Variants in SLC10A7 observed in about 807,000 individuals in gnomAD.
The protein encoded by SLC10A7 is sodium/bile acid cotransporter 7.
A neutral mutation model predicts 43.2 loss-of-function variants in SLC10A7; 29 were observed. The ratio of observed to expected loss-of-function variants is 0.67; its 90% CI spans 0.50 to 0.92. The LOEUF (loss-of-function observed/expected upper bound fraction) is 0.92. Ranked by LOEUF, SLC10A7 falls within the 40% of genes least tolerant of loss-of-function variation. The pLI is 0.00. For synonymous variants in SLC10A7, 152 were observed against 144.8 expected (o/e 1.05, Z -0.35); for missense variants, 295 against 403.2 (o/e 0.73, Z 2.30).
chr4:146,468,136 C>G (rs965112126), intron 4 of SLC10A7, among the ~76,000 whole-genome samples: 15 of 152,208 alleles, frequency 9.9e-5, no homozygotes, highest in African/African-American at 3.6e-4. Context: ...CTTCAAGCCT[C>G]TATTCCTTCA....
intron 10 of SLC10A7, among the ~76,000 whole-genome samples, chr4:146,260,047 G>T (rs1341383527): frequency 6.6e-6 from 1 of 152,104 alleles, no homozygotes; most frequent in Non-Finnish European, 1.5e-5. Flanking sequence ...TGTGTTTCAT[G>T]GTTACTTTCT....
intron 5 of SLC10A7, among the ~76,000 whole-genome samples, chr4:146,343,317 A>G (rs926227377): frequency 4.6e-5 from 7 of 152,048 alleles, no homozygotes; most frequent in African/African-American, 1.4e-4. Context: ...GGCCACAAGT[A>G]AAATAATAGG....
Position 146,444,444 on chromosome 4 carries a change from C to T in SLC10A7, c.397-1623G>A, listed in dbSNP as rs140541923. 4.6e-3 allele frequency among the ~76,000 whole-genome samples: 702 copies of T among 152,212 alleles called. 2 individuals are homozygous for T. Among genetic ancestry groups the T allele is most frequent in the Non-Finnish European group, 7.7e-3 (524 of 68,012 alleles). Reference sequence around the variant, plus strand: ...TAGAATCATTCGAGGAAAAGAGACTCAGAAGTCAAAGTAAAATAACTATAT... The same window carrying T: ...TAGAATCATTCGAGGAAAAGAGACTTAGAAGTCAAAGTAAAATAACTATAT... On this transcript the variant is annotated intron_variant, in intron 4 of 11. Coordinates refer to ENST00000335472, the MANE Select transcript of SLC10A7 (RefSeq NM_001029998.6).
chr4:146,411,407 T>C (rs1162159812), intron 5 of SLC10A7, among the ~76,000 whole-genome samples: 3 of 152,332 alleles, frequency 2.0e-5, no homozygotes, highest in African/African-American at 7.2e-5. Context: ...TAAATATTTT[T>C]AAATATCTGT....
At chr4:146,357,180 T>C (rs1363057036) in intron 5 of SLC10A7, among the ~76,000 whole-genome samples, 2 of 152,240 alleles carry the variant, frequency 1.3e-5, no homozygotes, top group Non-Finnish European at 2.9e-5. Flanking sequence ...CATTTGCACA[T>C]GTATATTTCT....
intron 10 of SLC10A7, among the ~76,000 whole-genome samples, chr4:146,280,178 A>G (rs1194219016): frequency 6.6e-6 from 1 of 152,206 alleles, no homozygotes; most frequent in Non-Finnish European, 1.5e-5. Flanking sequence ...AGATGTGTAT[A>G]CACATATATA....
chr4:146,310,156 C>CT (rs1270741218), intron 6 of SLC10A7, among the ~76,000 whole-genome samples: 1 of 152,032 alleles, frequency 6.6e-6, no homozygotes, highest in Non-Finnish European at 1.5e-5. Context: ...TGATTTTGTT[C>CT]TTTTTTTGTG....
intron 9 of SLC10A7, among the ~76,000 whole-genome samples, chr4:146,290,214 C>T (rs1371337883): frequency 6.7e-6 from 1 of 148,796 alleles, no homozygotes; most frequent in Non-Finnish European, 1.5e-5. Context: ...GTCCCAGCTA[C>T]TTGGGAGGCT....
At chr4:146,323,344 G>A (rs1251580884) in intron 6 of SLC10A7, among the ~76,000 whole-genome samples, 3 of 152,122 alleles carry the variant, frequency 2.0e-5, no homozygotes, top group Admixed American at 1.3e-4. Context: ...TTCTTCTAGG[G>A]TTTTTATGGT....
chr4:146,441,639 T>G, intron 5 of SLC10A7: 1 of 938,866 alleles, frequency 1.1e-6, no homozygotes, highest in African/African-American at 1.8e-5. Flanking sequence ...TATTACTGAG[T>G]CTAAACTAAG....
rs1449046292 is a variant in SLC10A7, at chr4:146,368,869, G to GAT, written c.436-42874_436-42873insAT. Among the ~76,000 whole-genome samples the GAT allele has an allele frequency of 2.0e-5, 3 of 152,192 alleles. No individual in the cohort carries two copies. The South Asian group carries it at 6.2e-4, about 32-fold the overall frequency. ...TAAAAACAAAGACACTATAGTCTAT[G>GAT]AAAGTGCTTTTGGTATTAACATTCG... On this transcript the variant is annotated intron_variant, in intron 5 of 11. Coordinates refer to ENST00000335472, the MANE Select transcript of SLC10A7 (RefSeq NM_001029998.6).
chr4:146,322,419 T>A (rs980905906), intron 6 of SLC10A7, among the ~76,000 whole-genome samples: 4 of 135,904 alleles, frequency 2.9e-5, no homozygotes, highest in Non-Finnish European at 4.6e-5. Flanking sequence ...CCTTCCTGTG[T>A]CCATGTGTTC....
intron 4 of SLC10A7, among the ~76,000 whole-genome samples, chr4:146,479,122 A>T (rs1406641827): frequency 6.6e-6 from 1 of 152,202 alleles, no homozygotes; most frequent in Non-Finnish European, 1.5e-5. Flanking sequence ...GATTTGGATA[A>T]TGTATAAAAT....
At chr4:146,256,995 C>T (rs1406324439) in intron 11 of SLC10A7, 12 of 1,174,726 alleles carry the variant, frequency 1.0e-5, no homozygotes, top group East Asian at 5.1e-5. Context: ...GGAAATGCTT[C>T]TGTTATTCTA....
At chr4:146,290,785 A>G (rs1240815926) in intron 9 of SLC10A7, among the ~76,000 whole-genome samples, 1 of 152,118 alleles carries the variant, frequency 6.6e-6, no homozygotes. Context: ...ACCTGAGCCC[A>G]TGAGTTTGAG....
At chr4:146,399,670 G>A (rs374439674) in intron 5 of SLC10A7, among the ~76,000 whole-genome samples, 13 of 152,138 alleles carry the variant, frequency 8.5e-5, no homozygotes, top group African/African-American at 2.9e-4. Flanking sequence ...AATCAGATAC[G>A]GGGAGGGGAA....
intron 10 of SLC10A7, among the ~76,000 whole-genome samples, chr4:146,273,030 A>G (rs181427179): frequency 6.6e-6 from 1 of 152,222 alleles, no homozygotes; most frequent in African/African-American, 2.4e-5. Context: ...AATGGGTAAA[A>G]TTAATCTCTT....
rs143961871 is a variant in SLC10A7 at position 146,409,641 on chromosome 4, C to T, written c.435+33142G>A. On this transcript the variant is annotated intron_variant, in intron 5 of 11. Transcript: ENST00000335472. ...GTAAATTATACCTTAATTTTAAAAT[C>T]GGGGAATAGCACATCTGTGAACTGA... Among the ~76,000 whole-genome samples the T allele has an allele frequency of 1.9e-3, 296 of 152,142 alleles. 7 individuals are homozygous for T. The East Asian group carries it at 0.041, about 21-fold the overall frequency.
chr4:146,360,440 C>T (rs1735961255), intron 5 of SLC10A7, among the ~76,000 whole-genome samples: 1 of 151,946 alleles, frequency 6.6e-6, no homozygotes, highest in Non-Finnish European at 1.5e-5. Context: ...CTTTCTTCTT[C>T]TTCTTTTTTT....
Sources: allele counts gnomAD v4.1 joint callset (sites outside exome capture counted in the v4.1 genomes callset), GRCh38; gene constraint gnomAD v4.1.1; transcripts MANE v1.5; gene names NCBI Gene and HGNC (gene_info 2026-07-23, HGNC 2026-07-21).